The following TIAM1 variants were observed in gnomAD, a reference collection of about 807,000 sequenced individuals.
The protein encoded by TIAM1 is TIAM Rac1 associated GEF 1.
A neutral mutation model predicts 163.5 loss-of-function variants in TIAM1; 65 were observed. The observed-to-expected ratio is 0.40, with a 90% CI of 0.33 to 0.49. The LOEUF (loss-of-function observed/expected upper bound fraction) is 0.49, where lower values mean the gene tolerates loss of function less well. Among genes scored for constraint, TIAM1 ranks in the 20% least tolerant of loss-of-function variants. The pLI is 0.77. For missense variants in TIAM1, 1,789 were observed against 2,044.7 expected (o/e 0.87, Z 2.41); for synonymous variants, 833 against 810.1 (o/e 1.03, Z -0.48).
intron 12 of TIAM1, among the ~76,000 whole-genome samples, chr21:31,198,032 T>C (rs1256122891): frequency 6.6e-6 from 1 of 152,170 alleles, no homozygotes; most frequent in Non-Finnish European, 1.5e-5. Context: ...AATAGATGTG[T>C]CAAATGCTCA....
intron 2 of TIAM1, among the ~76,000 whole-genome samples, chr21:31,280,994 A>T (rs551876753): frequency 6.8e-6 from 1 of 146,340 alleles, no homozygotes; most frequent in Non-Finnish European, 1.5e-5. Context: ...GCGTATGTGT[A>T]CTCCCAGCTA....
intron 2 of TIAM1, among the ~76,000 whole-genome samples, chr21:31,411,811 G>A (rs897517712): frequency 1.1e-4 from 16 of 152,088 alleles, no homozygotes; most frequent in Admixed American, 3.9e-4. Flanking sequence ...GATGACAGGC[G>A]GGATCTGGCC....
In TIAM1 at chr21:31,285,529, T is replaced by C. The variant is rs576390563; in HGVS notation, c.-188-8621A>G. ...TGTCTCTGCTGCTGTTGCACTTGTG[T>C]TGACGGCATGAAATTCTTTTAACAG... On this transcript the variant is annotated intron_variant, in intron 2 of 27. Coordinates refer to ENST00000541036, the MANE Select transcript of TIAM1 (RefSeq NM_001353694.2). 1.2e-3 allele frequency among the ~76,000 whole-genome samples: 176 copies of C among 152,342 alleles called. 2 individuals carry two copies. The South Asian group carries it at 0.034, about 29-fold the overall frequency.
intron 2 of TIAM1, among the ~76,000 whole-genome samples, chr21:31,440,609 A>C (rs894621946): frequency 2.6e-5 from 4 of 152,300 alleles, no homozygotes; most frequent in South Asian, 4.1e-4. Flanking sequence ...ATGGCTGGGC[A>C]TGGTGGCTCA....
intron 4 of TIAM1, among the ~76,000 whole-genome samples, chr21:31,261,180 C>T (rs1428284141): frequency 1.3e-5 from 2 of 151,722 alleles, no homozygotes; most frequent in African/African-American, 2.4e-5. Context: ...GGCTCTGCTA[C>T]AGTTATCCTG....
intron 1 of TIAM1, among the ~76,000 whole-genome samples, chr21:31,550,756 G>A (rs1161123419): frequency 6.6e-6 from 1 of 152,194 alleles, no homozygotes; most frequent in African/African-American, 2.4e-5. Context: ...TGACGGAGCT[G>A]GGGGTAGAGC....
intron 14 of TIAM1, among the ~76,000 whole-genome samples, chr21:31,185,445 A>G (rs1231084695): frequency 1.4e-5 from 2 of 142,850 alleles, no homozygotes; most frequent in African/African-American, 5.0e-5. Flanking sequence ...ATATAATTAT[A>G]TTAACGATTA....
intron 15 of TIAM1, among the ~76,000 whole-genome samples, chr21:31,181,737 A>ACTTCTT (rs1464345944): frequency 1.4e-5 from 1 of 73,840 alleles, no homozygotes; most frequent in Non-Finnish European, 2.4e-5. Flanking sequence ...GATTCCCAGC[A>ACTTCTT]CTTCTTCTTC....
chr21:31,443,521 G>A (rs918679811), intron 2 of TIAM1, among the ~76,000 whole-genome samples: 1 of 152,108 alleles, frequency 6.6e-6, no homozygotes, highest in African/African-American at 2.4e-5. Flanking sequence ...CTGCTTTTTA[G>A]CCTCTCTTGC....
intron 1 of TIAM1, among the ~76,000 whole-genome samples, chr21:31,538,030 A>G (rs1316810416): frequency 6.6e-6 from 1 of 152,230 alleles, no homozygotes; most frequent in African/African-American, 2.4e-5. Context: ...CTTACTATCA[A>G]GTACAAAAAT....
intron 2 of TIAM1, among the ~76,000 whole-genome samples, chr21:31,420,578 T>C (rs497143): frequency 1.3e-5 from 2 of 152,296 alleles, no homozygotes; most frequent in Middle Eastern, 3.4e-3. Flanking sequence ...ATTCATTGAA[T>C]TGACCACCTG....
At chr21:31,528,961 G>A (rs1418771563) in intron 1 of TIAM1, among the ~76,000 whole-genome samples, 7 of 110,152 alleles carry the variant, frequency 6.4e-5, no homozygotes, top group African/African-American at 2.5e-4. Flanking sequence ...AGTCTCAGTC[G>A]CCCAGGCTGG....
intron 15 of TIAM1, among the ~76,000 whole-genome samples, chr21:31,171,351 C>A (rs952210106): frequency 1.3e-5 from 2 of 152,036 alleles, no homozygotes; most frequent in African/African-American, 4.8e-5. Flanking sequence ...GAGTACAAAC[C>A]ATATAAGATT....
At chr21:31,363,655 T>C (rs758448479) in intron 2 of TIAM1, among the ~76,000 whole-genome samples, 2 of 152,138 alleles carry the variant, frequency 1.3e-5, no homozygotes, top group Non-Finnish European at 2.9e-5. Flanking sequence ...CTTTTCCAAA[T>C]GCTGAATGAT....
chr21:31,385,982 A>C (rs770742222), intron 2 of TIAM1, among the ~76,000 whole-genome samples: 68 of 148,714 alleles, frequency 4.6e-4, no homozygotes, highest in Non-Finnish European at 7.9e-4. Flanking sequence ...ATATATAATA[A>C]ACATTTTAAA....
intron 2 of TIAM1, among the ~76,000 whole-genome samples, chr21:31,457,957 A>G (rs1365722534): frequency 6.6e-6 from 1 of 152,204 alleles, no homozygotes; most frequent in Non-Finnish European, 1.5e-5. Context: ...CCACAATGTC[A>G]GTAGTTCAGA....
At chr21:31,152,595 C>T (rs200648209) in intron 19 of TIAM1, 41 bp downstream of exon 19, 104 of 1,607,176 alleles carry the variant, frequency 6.5e-5, no homozygotes, top group Middle Eastern at 3.3e-4. Context: ...ACTTGAGCCA[C>T]ACTATAGCCC....
chr21:31,535,917 A>G (rs925832429), intron 1 of TIAM1, among the ~76,000 whole-genome samples: 1 of 152,184 alleles, frequency 6.6e-6, no homozygotes, highest in African/African-American at 2.4e-5. Flanking sequence ...ATGACAAAAC[A>G]CCAGAATGAG....
At chr21:31,539,729 G>A (rs2048260522) in intron 1 of TIAM1, among the ~76,000 whole-genome samples, 1 of 152,162 alleles carries the variant, frequency 6.6e-6, no homozygotes, top group African/African-American at 2.4e-5. Flanking sequence ...GTGAATCCCA[G>A]CCACATAAGC....
Sources: gnomAD v4.1 joint callset for allele counts (sites outside exome capture counted in the v4.1 genomes callset) on GRCh38, gnomAD v4.1.1 for gene constraint, MANE v1.5 for transcripts, NCBI Gene and HGNC (gene_info 2026-07-23, HGNC 2026-07-21) for gene names.